The following SLC23A2 variants were observed in gnomAD, a reference collection of about 807,000 sequenced individuals.
SLC23A2 encodes the protein Na(+)/L-ascorbic acid transporter 2.
In SLC23A2, 36 loss-of-function variants were observed where a neutral mutation model predicts 73.3. The ratio of observed to expected loss-of-function variants is 0.49; its 90% CI spans 0.38 to 0.65. The LOEUF (loss-of-function observed/expected upper bound fraction) is 0.65. Ranked by LOEUF, SLC23A2 falls within the 30% of genes least tolerant of loss-of-function variation. SLC23A2 has a pLI of 0.00. For synonymous variants in SLC23A2, 343 were observed against 327.3 expected (o/e 1.05, Z -0.52); for missense variants, 507 against 841.6 (o/e 0.60, Z 4.92).
chr20:4,942,578 A>C (rs1234641510), intron 2 of SLC23A2, among the ~76,000 whole-genome samples: 1 of 152,220 alleles, frequency 6.6e-6, no homozygotes, highest in Non-Finnish European at 1.5e-5. Flanking sequence ...AGAAGCTTTT[A>C]ATCAGTACTT....
chr20:4,973,468 T>TG, intron 1 of SLC23A2, among the ~76,000 whole-genome samples: 1 of 152,012 alleles, frequency 6.6e-6, no homozygotes, highest in Admixed American at 6.6e-5. Context: ...TGGAAGGACT[T>TG]AACTACTGCA....
At chr20:4,994,451 C>T (rs137999287) in intron 1 of SLC23A2, among the ~76,000 whole-genome samples, 2 of 152,006 alleles carry the variant, frequency 1.3e-5, no homozygotes, top group African/African-American at 2.4e-5. Flanking sequence ...AAAGCCAAAC[C>T]GAATTTGAGG....
intron 1 of SLC23A2, among the ~76,000 whole-genome samples, 182 bp downstream of exon 1, chr20:5,001,224 C>A (rs1045653914): frequency 7.0e-6 from 1 of 143,530 alleles, no homozygotes; most frequent in Non-Finnish European, 1.5e-5. Flanking sequence ...GGGTGGCCGG[C>A]GGGCGCGGGG....
chr20:4,933,238 T>C (rs1932808571), intron 2 of SLC23A2, among the ~76,000 whole-genome samples: 1 of 152,168 alleles, frequency 6.6e-6, no homozygotes, highest in Non-Finnish European at 1.5e-5. Flanking sequence ...CATGATTAGA[T>C]GGGCATTAAA....
Position 4,998,186 on chromosome 20 carries a change from T to G in SLC23A2, c.-282+3220A>C, listed in dbSNP as rs1383943772. Among the ~76,000 whole-genome samples the G allele has an allele frequency of 6.6e-6, 1 of 152,122 alleles. No individual in the cohort carries two copies. Among genetic ancestry groups the G allele is most frequent in the Non-Finnish European group, 1.5e-5 (1 of 68,018 alleles). On this transcript the variant is annotated intron_variant, in intron 1 of 16. Coordinates refer to ENST00000338244, the MANE Select transcript of SLC23A2 (RefSeq NM_005116.6). This position sits in a 1 kb window ranked among gnomAD's most constrained non-coding sequence, Gnocchi z 4.1. ...AAATATCAACTCCCATCCCCACACT[T>G]AATCCCCCGAGCCTTGTCAGATTCC...
At chr20:4,886,690 G>A (rs1931111553) in intron 6 of SLC23A2, among the ~76,000 whole-genome samples, 1 of 152,160 alleles carries the variant, frequency 6.6e-6, no homozygotes, top group Non-Finnish European at 1.5e-5. Flanking sequence ...CAGCATTTCA[G>A]CTAAGTCACA....
At chr20:5,001,728 G>A (rs1372364775), upstream of SLC23A2, among the ~76,000 whole-genome samples, 1 of 151,632 alleles carries the variant, frequency 6.6e-6, no homozygotes, top group African/African-American at 2.4e-5. Flanking sequence ...TGCGCAGAAA[G>A]ATCGCCCCCC....
chr20:4,993,002 G>C (rs113075306), intron 1 of SLC23A2, among the ~76,000 whole-genome samples: 1,924 of 152,012 alleles, frequency 0.013, 38 homozygotes, highest in African/African-American at 0.042. Flanking sequence ...TGCTCAGCCT[G>C]GCGCAGTGGC....
chr20:4,932,376 T>G, intron 3 of SLC23A2, 79 bp downstream of exon 3: 1 of 862,484 alleles, frequency 1.2e-6, no homozygotes. Context: ...AACATGAGCA[T>G]TAAAGCCAAT....
At chr20:5,005,606 C>T (rs549304440), upstream of SLC23A2, among the ~76,000 whole-genome samples, 11 of 152,174 alleles carry the variant, frequency 7.2e-5, no homozygotes, top group East Asian at 5.8e-4. Context: ...CTGGGGCAAA[C>T]GTTTTCTGGA....
intron 1 of SLC23A2, among the ~76,000 whole-genome samples, chr20:4,996,685 C>CAA (rs1555809857): frequency 0.17 from 9,127 of 54,096 alleles, 726 homozygotes; most frequent in Non-Finnish European, 0.18. Flanking sequence ...GATTCCATCT[C>CAA]AAAAAAAAAA....
chr20:4,884,530 C>G (rs1931021399), intron 8 of SLC23A2, among the ~76,000 whole-genome samples: 1 of 152,176 alleles, frequency 6.6e-6, no homozygotes, highest in Non-Finnish European at 1.5e-5. Flanking sequence ...TGTGGGTGTG[C>G]AGGAGGGAGG....
intron 6 of SLC23A2, among the ~76,000 whole-genome samples, chr20:4,894,908 G>A (rs117804676): frequency 0.013 from 2,005 of 152,314 alleles, 18 homozygotes; most frequent in South Asian, 0.043. Context: ...TGAAATGAGG[G>A]GGACGACTTG....
At chr20:4,904,065 T>C (rs1335291901) in intron 4 of SLC23A2, among the ~76,000 whole-genome samples, 1 of 152,106 alleles carries the variant, frequency 6.6e-6, no homozygotes, top group Non-Finnish European at 1.5e-5. Context: ...GATGCTAAGG[T>C]GTGAGGATCA....
chr20:4,879,009 C>T (rs778500439), intron 9 of SLC23A2, among the ~76,000 whole-genome samples: 6 of 152,048 alleles, frequency 3.9e-5, no homozygotes, highest in South Asian at 4.2e-4. Flanking sequence ...TAAATGATAC[C>T]CGTGATAATA....
chr20:4,943,489 G>C (rs1286247124), intron 2 of SLC23A2, among the ~76,000 whole-genome samples: 1 of 147,792 alleles, frequency 6.8e-6, no homozygotes, highest in Non-Finnish European at 1.5e-5. Flanking sequence ...GCAACGTGAC[G>C]AAACCCCATT....
intron 4 of SLC23A2, among the ~76,000 whole-genome samples, chr20:4,910,792 A>G (rs1177949618): frequency 6.6e-6 from 1 of 152,222 alleles, no homozygotes; most frequent in African/African-American, 2.4e-5. Context: ...CATTTCATAA[A>G]GTAAGAAAAA....
At chr20:4,892,753 A>G (rs910876857) in intron 6 of SLC23A2, among the ~76,000 whole-genome samples, 1 of 152,156 alleles carries the variant, frequency 6.6e-6, no homozygotes, top group African/African-American at 2.4e-5. Context: ...GACACAATCA[A>G]GACAAAATCA....
At position 4,867,956 on chromosome 20, in the gene SLC23A2, A is replaced by C. The variant is rs561028534; in HGVS notation, c.1251-81T>G. On this transcript the variant is annotated intron_variant, in intron 12 of 16. Transcript: ENST00000338244. ...TCTGAAATAGCCTCTACACATCTAC[A>C]ATCCAAAAATGTGGTCCAGAGCCTG... The C allele has an allele frequency of 1.3e-5, 11 of 817,964 alleles. No individual in the cohort carries two copies. The South Asian group carries it at 1.6e-4, about 12-fold the overall frequency. 50.7% of individuals were successfully genotyped at this position (817,964 alleles called of 1,614,324 possible).
Sources: allele counts gnomAD v4.1 joint callset (sites outside exome capture counted in the v4.1 genomes callset), GRCh38; gene constraint gnomAD v4.1.1; non-coding constraint Gnocchi (gnomAD v3.1); transcripts MANE v1.5; gene names NCBI Gene and HGNC (gene_info 2026-07-23, HGNC 2026-07-21).